The following CC2D2A variants were observed in gnomAD, a reference collection of about 807,000 sequenced individuals.
CC2D2A encodes the protein coiled-coil and C2 domain containing 2A.
In CC2D2A, 155 loss-of-function variants were observed where a neutral mutation model predicts 212.9. The ratio of observed to expected loss-of-function variants is 0.73; its 90% CI spans 0.64 to 0.83. The LOEUF (loss-of-function observed/expected upper bound fraction) is 0.83. CC2D2A is among the 40% of genes least tolerant of loss of function. CC2D2A has a pLI of 0.00. For missense variants in CC2D2A, 1,856 were observed against 1,956.2 expected (o/e 0.95, Z 0.97); for synonymous variants, 667 against 686.5 (o/e 0.97, Z 0.44).
At chr4:15,546,973 C>T (rs1577365580) in intron 17 of CC2D2A, among the ~76,000 whole-genome samples, 2 of 151,518 alleles carry the variant, frequency 1.3e-5, no homozygotes, top group African/African-American at 4.9e-5. Context: ...CGTGTTATCC[C>T]GAAGAAAGCC....
At chr4:15,511,456 G>T in intron 8 of CC2D2A, 33 bp downstream of exon 8, 1 of 1,475,848 alleles carries the variant, frequency 6.8e-7, no homozygotes, top group Non-Finnish European at 8.9e-7. Flanking sequence ...TGAGGTGTGG[G>T]TGGAGGGCTA....
intron 36 of CC2D2A, among the ~76,000 whole-genome samples, chr4:15,600,204 G>A (rs1302583854): frequency 3.3e-5 from 5 of 152,216 alleles, no homozygotes; most frequent in Non-Finnish European, 4.4e-5. Context: ...TAAACAGTGT[G>A]AAGGTCAAAT....
At chr4:15,519,711 T>A (rs751953234) in intron 11 of CC2D2A, 1 of 426,194 alleles carries the variant, frequency 2.3e-6, no homozygotes, top group South Asian at 1.8e-5. Context: ...AAAGAGAGCT[T>A]GTGCAGGGAA....
intron 35 of CC2D2A, 44 bp downstream of exon 35, chr4:15,597,509 G>A: frequency 6.9e-7 from 1 of 1,448,100 alleles, no homozygotes; most frequent in South Asian, 1.2e-5. Flanking sequence ...GTCACTAGGA[G>A]TATAATACCA....
intron 33 of CC2D2A, among the ~76,000 whole-genome samples, chr4:15,590,063 C>T (rs1721029401): frequency 6.6e-6 from 1 of 152,178 alleles, no homozygotes; most frequent in Admixed American, 6.5e-5. Context: ...GTCACCTGAA[C>T]AGATTGGGTT....
intron 23 of CC2D2A, among the ~76,000 whole-genome samples, chr4:15,561,939 A>T (rs1399298064): frequency 6.6e-6 from 1 of 152,142 alleles, no homozygotes; most frequent in Admixed American, 6.5e-5. Context: ...AAATCATAAC[A>T]CCTCTCGTAG....
intron 28 of CC2D2A, 83 bp downstream of exon 28, chr4:15,570,579 G>A: frequency 1.1e-6 from 1 of 926,510 alleles, no homozygotes; most frequent in Non-Finnish European, 1.7e-6. Context: ...TGTGGGCCAG[G>A]CGCGGTGGCT....
intron 20 of CC2D2A, among the ~76,000 whole-genome samples, chr4:15,556,528 C>T (rs1239228664): frequency 1.1e-4 from 16 of 152,218 alleles, no homozygotes; most frequent in Admixed American, 9.8e-4. Flanking sequence ...TATATGTTTT[C>T]CCATCAAAGA....
chr4:15,585,315 A>G (rs1480382528), intron 30 of CC2D2A, among the ~76,000 whole-genome samples: 2 of 152,250 alleles, frequency 1.3e-5, no homozygotes, highest in Non-Finnish European at 2.9e-5. Flanking sequence ...AATCAACCAC[A>G]AAACAGAATG....
At chr4:15,590,057 C>T (rs1721029186) in intron 33 of CC2D2A, among the ~76,000 whole-genome samples, 1 of 152,122 alleles carries the variant, frequency 6.6e-6, no homozygotes, top group Non-Finnish European at 1.5e-5. Flanking sequence ...AAATTTGTCA[C>T]CTGAACAGAT....
chr4:15,595,648 C>T (rs1470455503), intron 33 of CC2D2A, among the ~76,000 whole-genome samples: 1 of 152,182 alleles, frequency 6.6e-6, no homozygotes, highest in Non-Finnish European at 1.5e-5. Flanking sequence ...GGTTCCAGAA[C>T]CAACATGCTA....
rs1194412536 is a variant in CC2D2A at position 15,574,224 on chromosome 4, G to C, written c.3669G>C (p.Glu1223Asp). 1 of 1,551,492 alleles carries C rather than the reference G, an allele frequency of 6.4e-7. No individual in the cohort carries two copies. The highest frequency in any genetic ancestry group is 2.4e-5 in the East Asian group (1 of 40,910). Residue 1223 changes from glutamate (E) to aspartate (D), a missense_variant, in exon 29 of 37, where the codon GAG (glutamate) becomes GAC (aspartate). By Grantham distance (45) the Glu-to-Asp change is conservative. Transcript: ENST00000424120. ...GYSKERNMIL[E>D]RGFDSVRSLS... is the part of the protein sequence containing the mutation. ...GTAAGGAGCGAAATATGATTCTTGA[G>C]CGGGGTTTTGATTCTGTCCGAAGCT...
At chr4:15,537,794 A>G (rs1289088954) in intron 15 of CC2D2A, 105 bp from the exon 16 acceptor site, 1 of 1,211,516 alleles carries the variant, frequency 8.3e-7, no homozygotes, top group East Asian at 2.6e-5. Flanking sequence ...TTCTGGTTGA[A>G]ATGGGGCTGG....
intron 1 of CC2D2A, among the ~76,000 whole-genome samples, chr4:15,470,598 A>C (rs529357275): frequency 7.5e-4 from 112 of 150,082 alleles, no homozygotes; most frequent in African/African-American, 2.6e-3. Context: ...TATGTTTGCT[A>C]CTGCATTTTC....
At chr4:15,545,339 C>T (rs1718656151) in intron 17 of CC2D2A, among the ~76,000 whole-genome samples, 1 of 152,098 alleles carries the variant, frequency 6.6e-6, no homozygotes, top group South Asian at 2.1e-4. Flanking sequence ...AACTCAGCAA[C>T]CAAGTGGTCA....
chr4:15,473,222 C>T (rs1353068463), intron 1 of CC2D2A: 1 of 152,180 alleles, frequency 6.6e-6, no homozygotes, highest in Non-Finnish European at 1.5e-5. Context: ...CCTCTTGCAG[C>T]TATATTCTAA....
At chr4:15,499,712 G>T (rs147005306) in intron 4 of CC2D2A, among the ~76,000 whole-genome samples, 1 of 151,984 alleles carries the variant, frequency 6.6e-6, no homozygotes, top group Non-Finnish European at 1.5e-5. Flanking sequence ...TTTTATGTTC[G>T]TAAAAACTTA....
intron 24 of CC2D2A, among the ~76,000 whole-genome samples, chr4:15,566,038 A>G (rs1719866823): frequency 6.6e-6 from 1 of 152,246 alleles, no homozygotes; most frequent in Non-Finnish European, 1.5e-5. Context: ...GTGATAGTCT[A>G]TAGAAAGAGA....
chr4:15,550,863 G>A lies in CC2D2A; in HGVS notation c.2221G>A (p.Ala741Thr), dbSNP rs746279972. 3 of 1,597,708 alleles carry A rather than the reference G, an allele frequency of 1.9e-6. No homozygotes were observed. Among genetic ancestry groups the A allele is most frequent in the Non-Finnish European group, 2.6e-6 (3 of 1,167,286 alleles). ...TVGHSSPTLL[A>T]EVFLPIPETT... The stretch of plus-strand genomic sequence containing the variant: ...CGGACACAGTAGTCCCACCTTGCTA[G>A]CAGAAGTGTTTCTGCCTATTCCTGA... Residue 741 changes from alanine (A) to threonine (T), a missense_variant, in exon 18 of 37, where the codon GCA becomes ACA. Ala to Thr is a moderately conservative substitution (Grantham distance 58). Transcript: ENST00000424120.
Sources: allele counts gnomAD v4.1 joint callset (sites outside exome capture counted in the v4.1 genomes callset), GRCh38; gene constraint gnomAD v4.1.1; transcripts MANE v1.5; gene names NCBI Gene and HGNC (gene_info 2026-07-23, HGNC 2026-07-21).